DHX32: variants seen among roughly 807,000 people sequenced by gnomAD.
The protein encoded by DHX32 is DEAH-box helicase 32 (putative).
Under a neutral mutation model 70.0 loss-of-function variants are expected in DHX32, and 51 were observed. The observed-to-expected ratio is 0.73, with a 90% CI of 0.58 to 0.92. DHX32 has a LOEUF of 0.92. Ranked by LOEUF, DHX32 falls within the 40% of genes least tolerant of loss-of-function variation. DHX32 has a pLI of 0.00. For missense variants in DHX32, 762 were observed against 891.8 expected, an observed-to-expected ratio of 0.85 and a Z score of 1.85; for synonymous variants, 310 against 315.3, an observed-to-expected ratio of 0.98 and a Z score of 0.18.
chr10:125,839,843 G>T (rs1854819425), intron 8 of DHX32, among the ~76,000 whole-genome samples: 1 of 152,098 alleles, frequency 6.6e-6, no homozygotes, highest in Admixed American at 6.6e-5. Context: ...ATGGACAGAA[G>T]ACCCTCATTT....
intron 1 of DHX32, among the ~76,000 whole-genome samples, chr10:125,870,776 G>A (rs1944251373): frequency 1.3e-5 from 2 of 152,134 alleles, no homozygotes; most frequent in Admixed American, 1.3e-4. Flanking sequence ...GGCGCAGGTT[G>A]CAGTGAGCTG....
chr10:125,889,315 A>G (rs143511028), intron 1 of DHX32, among the ~76,000 whole-genome samples: 1 of 152,220 alleles, frequency 6.6e-6, no homozygotes, highest in African/African-American at 2.4e-5. Context: ...TATGTGATCA[A>G]TAAATATCTG....
At chr10:125,865,337 C>T (rs1944214332) in intron 2 of DHX32, among the ~76,000 whole-genome samples, 1 of 152,112 alleles carries the variant, frequency 6.6e-6, no homozygotes, top group Admixed American at 6.5e-5. Flanking sequence ...TTTATAAATA[C>T]ATAGTAATTT....
At chr10:125,846,505 T>C (rs549596685) in intron 6 of DHX32, among the ~76,000 whole-genome samples, 1 of 152,330 alleles carries the variant, frequency 6.6e-6, no homozygotes, top group Non-Finnish European at 1.5e-5. Flanking sequence ...TCTTGTGCTA[T>C]TGGCACTGGC....
chr10:125,851,024 G>A (rs1156731180), intron 6 of DHX32, among the ~76,000 whole-genome samples: 2 of 152,132 alleles, frequency 1.3e-5, no homozygotes, highest in African/African-American at 4.8e-5. Flanking sequence ...AGGCAGCCAA[G>A]GAAGAAAAAT....
chr10:125,840,992 T>C lies in DHX32; in HGVS notation c.1548A>G (p.Pro516=), dbSNP rs764994719. 49 of 1,593,844 alleles carry C rather than the reference T, an allele frequency of 3.1e-5. No homozygotes were observed. Among genetic ancestry groups the C allele is most frequent in the Admixed American group, 1.1e-4 (6 of 57,084 alleles). ...CATGTGGCACATGTGAAAAGCAATT[T>C]GGAGCTTCAAAATGAAAAAGGTCAC... The part of the protein sequence containing the change: ...VLTIAAMVTA[P]NCFSHVPHGA... Residue 516 remains proline, a synonymous_variant, in exon 8 of 11, where the codon CCA becomes CCG. Coordinates refer to ENST00000284690, the MANE Select transcript of DHX32 (RefSeq NM_018180.3).
chr10:125,837,019 TTC>T (rs752785187), intron 10 of DHX32, among the ~76,000 whole-genome samples, 164 bp from the exon 11 acceptor site: 15 of 152,304 alleles, frequency 9.8e-5, no homozygotes, highest in South Asian at 2.1e-4. Context: ...AATAAATACT[TTC>T]TGTTTTTTAT....
At chr10:125,837,391 T>C (rs1391387952) in intron 10 of DHX32, among the ~76,000 whole-genome samples, 3 of 152,220 alleles carry the variant, frequency 2.0e-5, no homozygotes, top group Non-Finnish European at 4.4e-5. Flanking sequence ...ACTCTTGCCA[T>C]TGCCCCTCCT....
chr10:125,860,042 G>GA, intron 2 of DHX32, 67 bp from the exon 3 acceptor site: 1 of 1,354,206 alleles, frequency 7.4e-7, no homozygotes, highest in South Asian at 1.7e-5. Flanking sequence ...TTCCTAACAA[G>GA]AAAAATGCCT....
At chr10:125,892,282 T>C (rs1417407829) in intron 1 of DHX32, among the ~76,000 whole-genome samples, 6 of 152,310 alleles carry the variant, frequency 3.9e-5, no homozygotes, top group African/African-American at 1.4e-4. Context: ...TTCTCTTCAT[T>C]TCTTCACTGA....
rs564527403 is a variant in DHX32, at chr10:125,889,015, C to T, written c.-248+7203G>A. On this transcript the variant is annotated intron_variant, in intron 1 of 2. Coordinates refer to the DHX32 transcript ENST00000415732. The stretch of plus-strand genomic sequence containing the variant: ...GCGGAGGTTGCAGTGAGCTGAAGTG[C>T]GCCACTGCACTCCAACCTGGGCATC... Among the ~76,000 whole-genome samples, 375 of 152,232 alleles carry T rather than the reference C, an allele frequency of 2.5e-3. 1 individual carries two copies. The highest frequency in any genetic ancestry group is 8.2e-3 in the African/African-American group (342 of 41,552).
chr10:125,884,670 T>C (rs1944333418), upstream of DHX32, among the ~76,000 whole-genome samples: 1 of 152,234 alleles, frequency 6.6e-6, no homozygotes, highest in African/African-American at 2.4e-5. Flanking sequence ...GGTCCAGTAA[T>C]TCTAGAAATA....
upstream of DHX32, among the ~76,000 whole-genome samples, chr10:125,882,008 A>T (rs1012147173): frequency 1.3e-5 from 2 of 152,174 alleles, no homozygotes; most frequent in African/African-American, 4.8e-5. Flanking sequence ...ATTTCTTGAG[A>T]TTCCTGGGTC....
chr10:125,864,969 A>G (rs1230770012), intron 2 of DHX32, among the ~76,000 whole-genome samples: 1 of 133,970 alleles, frequency 7.5e-6, no homozygotes, highest in African/African-American at 2.8e-5. Context: ...AAAAAAAAAG[A>G]AAGAAAAAGA....
At chr10:125,843,024 T>G (rs1469000029) in intron 6 of DHX32, among the ~76,000 whole-genome samples, 1 of 152,152 alleles carries the variant, frequency 6.6e-6, no homozygotes, top group African/African-American at 2.4e-5. Context: ...TGCACCAACC[T>G]AATATTTATT....
intron 1 of DHX32, among the ~76,000 whole-genome samples, chr10:125,873,999 G>A (rs1944270135): frequency 6.6e-6 from 1 of 152,146 alleles, no homozygotes; most frequent in South Asian, 2.1e-4. Flanking sequence ...ACAAAAACTA[G>A]AGAAGGAGAA....
upstream of DHX32, chr10:125,881,333 C>T (rs1944316034): frequency 6.5e-6 from 1 of 152,786 alleles, no homozygotes; most frequent in African/African-American, 2.4e-5. Flanking sequence ...ATCTCAGGCT[C>T]TGCGTCTTGA....
chr10:125,857,541 T>TTAATAGGAATGCC (rs1944156281), intron 3 of DHX32, among the ~76,000 whole-genome samples: 1 of 152,224 alleles, frequency 6.6e-6, no homozygotes, highest in Non-Finnish European at 1.5e-5. Flanking sequence ...TGATGGTTTC[T>TTAATAGGAATGCC]TAATAGGAAT....
chr10:125,879,015 GTTTTTTTTTTT>G (rs35025096), intron 1 of DHX32, among the ~76,000 whole-genome samples: 2 of 56,678 alleles, frequency 3.5e-5, no homozygotes, highest in African/African-American at 7.2e-5. Context: ...GCCTTTTCTT[GTTTTTTTTTTT>G]TTTTTTTTTT....
Sources: gnomAD v4.1 joint callset for allele counts (sites outside exome capture counted in the v4.1 genomes callset) on GRCh38, gnomAD v4.1.1 for gene constraint, MANE v1.5 for transcripts, NCBI Gene and HGNC (gene_info 2026-07-23, HGNC 2026-07-21) for gene names.